The following FANCB variants were observed in gnomAD, a reference collection of about 807,000 sequenced individuals.
FANCB encodes the protein Fanconi anemia group B protein.
Under a neutral mutation model 38.9 loss-of-function variants are expected in FANCB, and 5 were observed. The observed-to-expected ratio is 0.13, with a 90% CI of 0.07 to 0.27. The LOEUF (loss-of-function observed/expected upper bound fraction) is 0.27, where lower values mean the gene tolerates loss of function less well. Among genes scored for constraint, FANCB ranks in the 10% least tolerant of loss-of-function variants. The probability of loss-of-function intolerance (pLI) is 1.00; values close to 1 mark genes in which losing one functional copy is unlikely to be tolerated. For synonymous variants in FANCB, 236 were observed against 215.4 expected (o/e 1.10, Z -0.84); for missense variants, 573 against 602.7 (o/e 0.95, Z 0.52).
chrX:14,851,472 A>G (rs2092401299), intron 6 of FANCB, among the ~76,000 whole-genome samples: 1 of 100,300 alleles, frequency 1.0e-5, no homozygotes, highest in Non-Finnish European at 2.0e-5. Flanking sequence ...CTATTACCCT[A>G]TACTGCCTCT....
the FANCB span, among the ~76,000 whole-genome samples, chrX:14,749,371 C>T: frequency 2.7e-5 from 3 of 111,078 alleles, no homozygotes; most frequent in Non-Finnish European, 5.7e-5. Flanking sequence ...CACTTGTAGA[C>T]GTAGGGCTCA....
rs1364046604 is a variant in FANCB, at chrX:14,853,149, G to C, written c.1216C>G (p.Arg406Gly). ...TGLKVCFSSF[R>G]ELRQHLLLKE... is the part of the protein sequence containing the mutation. ...AGCAACAGATGCTGCCGTAATTCCC[G>C]AAAAGAAGAAAAACAAACCTGTAAA... The change falls in exon 6 of 10, where the codon CGG becomes GGG. Residue 406 changes from arginine to glycine, a missense_variant. Transcript: ENST00000650831. 1.7e-6 allele frequency: 2 copies of C among 1,203,349 alleles called. No individual in the cohort carries two copies. Among genetic ancestry groups the C allele is most frequent in the African/African-American group, 3.5e-5 (2 of 56,838 alleles).
At chrX:14,819,594 T>C in the FANCB span, among the ~76,000 whole-genome samples, 2 of 111,617 alleles carry the variant, frequency 1.8e-5, no homozygotes, top group Non-Finnish European at 3.8e-5. Flanking sequence ...GGTTGGGTTT[T>C]GTTTTTGTGT....
chrX:14,755,755 C>T, the FANCB span, among the ~76,000 whole-genome samples: 1 of 110,150 alleles, frequency 9.1e-6, no homozygotes, highest in Non-Finnish European at 1.9e-5. Context: ...CAATGCAATC[C>T]CTATCAAAAA....
At chrX:14,808,915 A>G in the FANCB span, among the ~76,000 whole-genome samples, 2 of 112,614 alleles carry the variant, frequency 1.8e-5, no homozygotes, top group East Asian at 5.5e-4. Context: ...ATATGCCAAC[A>G]GTGAACAATC....
chrX:14,834,408 T>G, downstream of FANCB: 1 of 398,218 alleles, frequency 2.5e-6, no homozygotes, highest in Non-Finnish European at 4.6e-6. Flanking sequence ...GACAGCCAGA[T>G]ATCAACTGTT....
At chrX:14,780,409 T>C in the FANCB span, among the ~76,000 whole-genome samples, 6 of 111,084 alleles carry the variant, frequency 5.4e-5, no homozygotes, top group Non-Finnish European at 9.4e-5. Context: ...ATCTTTGAGA[T>C]CTAAAAAGCA....
At chrX:14,778,947 T>C in the FANCB span, among the ~76,000 whole-genome samples, 1 of 112,391 alleles carries the variant, frequency 8.9e-6, no homozygotes, top group South Asian at 3.7e-4. Flanking sequence ...GTTCAGAAGA[T>C]ACCACTGAAA....
chrX:14,798,968 C>T, the FANCB span, among the ~76,000 whole-genome samples: 5 of 111,540 alleles, frequency 4.5e-5, no homozygotes, highest in South Asian at 7.6e-4. Flanking sequence ...CTGACTGGAC[C>T]GAATATGGCA....
At chrX:14,737,231 CAG>C in the FANCB span, among the ~76,000 whole-genome samples, 1 of 111,509 alleles carries the variant, frequency 9.0e-6, no homozygotes, top group Non-Finnish European at 1.9e-5. Flanking sequence ...CCAACCCATT[CAG>C]CTACCCATCC....
the FANCB span, among the ~76,000 whole-genome samples, chrX:14,819,373 A>G: frequency 8.9e-6 from 1 of 112,251 alleles, no homozygotes; most frequent in African/African-American, 3.2e-5. Flanking sequence ...TGAGAAAAAA[A>G]AACAGGGAAG....
At chrX:14,850,959 GAA>G (rs1224798784) in intron 6 of FANCB, among the ~76,000 whole-genome samples, 2 of 104,249 alleles carry the variant, frequency 1.9e-5, no homozygotes, top group South Asian at 8.1e-4. Flanking sequence ...AGTCCATTTT[GAA>G]AAAAAAAAGT....
At chrX:14,847,786 T>C (rs950544326) in intron 7 of FANCB, among the ~76,000 whole-genome samples, 2 of 110,439 alleles carry the variant, frequency 1.8e-5, no homozygotes, top group African/African-American at 6.6e-5. Context: ...CAATTGAAGA[T>C]CAACAAAAAA....
At chrX:14,694,042 C>T in the FANCB span, among the ~76,000 whole-genome samples, 1 of 109,408 alleles carries the variant, frequency 9.1e-6, no homozygotes. Flanking sequence ...ATATTAAATC[C>T]AAAGAGTGTA....
At chrX:14,803,738 G>A in the FANCB span, among the ~76,000 whole-genome samples, 4 of 110,725 alleles carry the variant, frequency 3.6e-5, no homozygotes, top group South Asian at 1.5e-3. Flanking sequence ...GGAGCATCAC[G>A]TAGACATCAG....
At chrX:14,835,020 T>C (rs2092337471), downstream of FANCB, 3 of 596,416 alleles carry the variant, frequency 5.0e-6, no homozygotes, top group Admixed American at 4.5e-5. Context: ...ACACTTCAAC[T>C]GTAAGAGCGC....
At chrX:14,859,566 G>T (rs2092437836) in intron 3 of FANCB, among the ~76,000 whole-genome samples, 1 of 111,345 alleles carries the variant, frequency 9.0e-6, no homozygotes, top group South Asian at 3.8e-4. Context: ...TTTTATTCAG[G>T]TTTGTCCAGG....
At chrX:14,860,339 G>A (rs1248793776) in intron 3 of FANCB, among the ~76,000 whole-genome samples, 1 of 112,197 alleles carries the variant, frequency 8.9e-6, no homozygotes, top group Non-Finnish European at 1.9e-5. Flanking sequence ...CACTTGTGCA[G>A]AGAGACAGCT....
chrX:14,695,322 T>C, the FANCB span, among the ~76,000 whole-genome samples: 1 of 111,679 alleles, frequency 9.0e-6, no homozygotes, highest in Non-Finnish European at 1.9e-5. Context: ...GAATAAAATG[T>C]GTGCTCATGG....
Sources: allele counts gnomAD v4.1 joint callset (sites outside exome capture counted in the v4.1 genomes callset), GRCh38; gene constraint gnomAD v4.1.1; transcripts MANE v1.5; gene names NCBI Gene and HGNC (gene_info 2026-07-23, HGNC 2026-07-21).